Variants in MYRFL observed in about 807,000 individuals in gnomAD.
MYRFL encodes myelin regulatory factor-like protein.
Under a neutral mutation model 109.4 loss-of-function variants are expected in MYRFL, and 88 were observed. The observed-to-expected ratio is 0.80, with a 90% CI of 0.68 to 0.96. The LOEUF is 0.96. Ranked by LOEUF, MYRFL falls within the 40% of genes least tolerant of loss-of-function variation. The pLI is 0.00. For missense variants in MYRFL, 957 were observed against 954.9 expected, an observed-to-expected ratio of 1.00 and a Z score of -0.03; for synonymous variants, 324 against 320.9, an observed-to-expected ratio of 1.01 and a Z score of -0.10.
In MYRFL at chr12:69,936,324, C is replaced by T; in HGVS notation, c.2033C>T (p.Ala678Val). 6.5e-7 allele frequency: 1 copy of T among 1,535,958 alleles called. No homozygotes were observed. The highest frequency in any genetic ancestry group is 8.7e-7 in the Non-Finnish European group (1 of 1,146,686). ...CAGGAGCCAGCTCTGCTGCCCACAG[C>T]CTCCTCCTCAGGTAAAGGCTTCACA... ...SSQEPALLPT[A>V]SSSAPNTSLV... The change falls in exon 18 of 25, where the codon GCC (alanine) becomes GTC (valine). Residue 678 changes from alanine to valine, a missense_variant. Transcript: ENST00000552032.
chr12:69,883,324 A>T (rs543820802), intron 5 of MYRFL, among the ~76,000 whole-genome samples: 2 of 152,194 alleles, frequency 1.3e-5, no homozygotes, highest in African/African-American at 2.4e-5. Context: ...CAACCCATAG[A>T]TTCCATCCCT....
At chr12:69,861,446 G>T (rs887708402) in intron 2 of MYRFL, among the ~76,000 whole-genome samples, 8 of 152,148 alleles carry the variant, frequency 5.3e-5, no homozygotes, top group African/African-American at 1.9e-4. Flanking sequence ...CATTCTAACT[G>T]GTGTGAGATG....
At position 69,958,530 on chromosome 12, in the gene MYRFL, A is replaced by AATT; in HGVS notation, c.2733_*2dup. 1 of 1,530,652 alleles carries AATT rather than the reference A, an allele frequency of 6.5e-7. No homozygotes were observed. The highest frequency in any genetic ancestry group is 8.7e-7 in the Non-Finnish European group (1 of 1,144,986). 94.8% of individuals were successfully genotyped at this position (1,530,652 alleles called of 1,614,324 possible). ...TTTTACTTCTATCGACGCTGTGCCT[A>AATT]ATTTGTTCAAGTTTGGGGACTTTAC... On this transcript the variant is annotated inframe_insertion and stop_retained_variant, in exon 25 of 25. Transcript: ENST00000552032.
chr12:69,909,788 G>C (rs1423872574), intron 11 of MYRFL, among the ~76,000 whole-genome samples, 181 bp from the exon 12 acceptor site: 1 of 152,184 alleles, frequency 6.6e-6, no homozygotes, highest in African/African-American at 2.4e-5. Context: ...CCAGGGGAAG[G>C]AGGGTGGCTG....
rs181897788 is a variant in MYRFL at position 69,863,526 on chromosome 12, C to T, written c.137+8156C>T. 9.2e-4 allele frequency among the ~76,000 whole-genome samples: 140 copies of T among 152,292 alleles called. 2 individuals carry two copies. In the Middle Eastern group the frequency reaches 0.017, roughly 18 times the overall value. On this transcript the variant is annotated intron_variant, in intron 2 of 24. Coordinates refer to ENST00000552032, the MANE Select transcript of MYRFL (RefSeq NM_182530.3). Reference sequence around the variant, plus strand: ...TTGCAGTCAATTTAAAGATATTTTACCACTTCACATGAAAAGTAGAAACCT... The same window carrying T: ...TTGCAGTCAATTTAAAGATATTTTATCACTTCACATGAAAAGTAGAAACCT...
chr12:69,933,095 G>A (rs1030269193), intron 16 of MYRFL, among the ~76,000 whole-genome samples: 2 of 152,212 alleles, frequency 1.3e-5, no homozygotes, highest in African/African-American at 4.8e-5. Context: ...GATATACCAT[G>A]TGATGGAATT....
At chr12:69,854,173 G>C (rs7961329) in intron 1 of MYRFL, among the ~76,000 whole-genome samples, 54,895 of 152,054 alleles carry the variant, frequency 0.36, 10,071 homozygotes, top group Admixed American at 0.43. Flanking sequence ...GGGAAACCCC[G>C]TCTCCACCAA....
intron 15 of MYRFL, among the ~76,000 whole-genome samples, chr12:69,930,769 G>A (rs915945771): frequency 1.4e-5 from 2 of 146,906 alleles, no homozygotes; most frequent in Non-Finnish European, 3.0e-5. Flanking sequence ...GCAAAATTAT[G>A]CCATTGCACT....
intron 1 of MYRFL, among the ~76,000 whole-genome samples, chr12:69,853,236 C>T (rs553250687): frequency 6.5e-4 from 98 of 151,106 alleles, no homozygotes; most frequent in African/African-American, 1.5e-3. Flanking sequence ...CCCTCCCGGA[C>T]GGGGCGGCTG....
intron 10 of MYRFL, among the ~76,000 whole-genome samples, chr12:69,898,129 A>T (rs1954061696): frequency 6.6e-6 from 1 of 152,188 alleles, no homozygotes. Flanking sequence ...GGGCCTGCCC[A>T]TGTATGTGGC....
At chr12:69,900,445 A>G (rs1219124025) in intron 10 of MYRFL, among the ~76,000 whole-genome samples, 1 of 152,200 alleles carries the variant, frequency 6.6e-6, no homozygotes, top group Non-Finnish European at 1.5e-5. Flanking sequence ...ATTATGAATA[A>G]GAATCCCCAG....
Position 69,891,682 on chromosome 12 carries a change from T to TTTCTTTCG in MYRFL, c.903+519_903+520insTTTCGTTC, listed in dbSNP as rs1277296623. On this transcript the variant is annotated intron_variant, in intron 7 of 24. Transcript: ENST00000552032. ...CTTTCTTTCTTTCTTTCTTTCTTTC[T>TTTCTTTCG]TTCGTTCGTTCGTTCTTTCTTTCTT... is the stretch of plus-strand genomic sequence containing the variant. 9.4e-3 allele frequency among the ~76,000 whole-genome samples: 953 copies of TTTCTTTCG among 101,492 alleles called. 31 individuals carry two copies. Among genetic ancestry groups the TTTCTTTCG allele is most frequent in the Admixed American group, 0.015 (137 of 9,448 alleles). 66.6% of individuals were successfully genotyped at this position (101,492 alleles called of 152,430 possible). A position where few individuals can be genotyped will look rare whatever the true frequency, so the allele number is the denominator to read the frequency against.
chr12:69,906,836 C>A (rs1021882262), intron 11 of MYRFL, among the ~76,000 whole-genome samples: 14 of 152,332 alleles, frequency 9.2e-5, no homozygotes, highest in African/African-American at 3.4e-4. Context: ...GACTGAGTCC[C>A]ATGGACTGGA....
At chr12:69,946,751 G>C (rs1955849207) in intron 19 of MYRFL, 1 of 152,244 alleles carries the variant, frequency 6.6e-6, no homozygotes, top group Non-Finnish European at 1.5e-5. Context: ...TGCAGCTGAT[G>C]AAATGGAGGC....
rs1158619153 is a variant in MYRFL, at chr12:69,958,853, A to G, written c.*322A>G. 2 of 236,866 alleles carry G rather than the reference A, an allele frequency of 8.4e-6. No homozygotes were observed. Among genetic ancestry groups the G allele is most frequent in the Non-Finnish European group, 1.6e-5 (2 of 123,500 alleles). The allele number at this position is 236,866 out of a possible 1,614,324, so 14.7% of individuals were successfully genotyped here. A position where few individuals can be genotyped will look rare whatever the true frequency, so the allele number is the denominator to read the frequency against. On this transcript the variant is annotated 3_prime_UTR_variant, in exon 25 of 25. Coordinates refer to ENST00000552032, the MANE Select transcript of MYRFL (RefSeq NM_182530.3). ...TTGTGAGCTCAAAATAAGGAGATCT[A>G]GCCTCTATTTTGTTTTAATGTATTT...
At chr12:69,895,587 C>T in intron 9 of MYRFL, 106 bp downstream of exon 9, 1 of 793,800 alleles carries the variant, frequency 1.3e-6, no homozygotes, top group Non-Finnish European at 2.0e-6. Context: ...AGCCAGAACA[C>T]AGGGCCTCTA....
At chr12:69,872,752 G>T (rs1359778338) in intron 2 of MYRFL, among the ~76,000 whole-genome samples, 8 of 152,124 alleles carry the variant, frequency 5.3e-5, no homozygotes, top group African/African-American at 1.9e-4. Context: ...ACCTGCCTCG[G>T]CCTCCCAAAG....
intron 1 of MYRFL, among the ~76,000 whole-genome samples, chr12:69,848,629 G>C (rs1398748922): frequency 6.6e-6 from 1 of 151,958 alleles, no homozygotes; most frequent in Non-Finnish European, 1.5e-5. Context: ...TTTTAAACAA[G>C]TTTTAGTTGG....
chr12:69,891,605 C>CTTTCTTTCTTTCTT (rs1555249258), intron 7 of MYRFL, among the ~76,000 whole-genome samples: 13 of 53,152 alleles, frequency 2.4e-4, no homozygotes, highest in South Asian at 5.8e-4. Context: ...TTCTTTCTTT[C>CTTTCTTTCTTTCTT]TCTTTCTTTC....
Sources: allele counts gnomAD v4.1 joint callset (sites outside exome capture counted in the v4.1 genomes callset), GRCh38; gene constraint gnomAD v4.1.1; transcripts MANE v1.5; gene names NCBI Gene and HGNC (gene_info 2026-07-23, HGNC 2026-07-21).